Variants in ARL5C observed in about 807,000 individuals in gnomAD.
The protein encoded by ARL5C is putative ADP-ribosylation factor-like protein 5C.
In ARL5C, 21 loss-of-function variants were observed where a neutral mutation model predicts 20.8. The ratio of observed to expected loss-of-function variants is 1.01; its 90% confidence interval spans 0.72 to 1.46. ARL5C has a LOEUF of 1.46. Ranked by LOEUF, ARL5C falls within the 40% of genes most tolerant of loss-of-function variation. The pLI, the probability that ARL5C is intolerant of heterozygous loss-of-function variation, is 0.00. For synonymous variants in ARL5C, 71 were observed against 81.6 expected, an observed-to-expected ratio of 0.87 and a Z score of 0.70; for missense variants, 199 against 225.1, an observed-to-expected ratio of 0.88 and a Z score of 0.74.
intron 2 of ARL5C, chr17:39,164,267 G>T (rs2045452172): frequency 6.6e-6 from 1 of 152,228 alleles, no homozygotes. Flanking sequence ...GGTGATGCCT[G>T]TGTGACTGGT....
chr17:39,157,417 A>T (rs188891345), intron 5 of ARL5C, among the ~76,000 whole-genome samples: 2 of 152,286 alleles, frequency 1.3e-5, no homozygotes, highest in East Asian at 3.9e-4. Context: ...ACTCCGGCGC[A>T]TGGGTGGAGT....
intron 5 of ARL5C, among the ~76,000 whole-genome samples, chr17:39,158,133 A>G (rs11651791): frequency 7.2e-5 from 9 of 125,450 alleles, no homozygotes; most frequent in South Asian, 3.0e-4. Flanking sequence ...GGGAGGGAGG[A>G]AGGAAGGAAG....
chr17:39,165,954 C>T lies in ARL5C; in HGVS notation c.-194G>A. 1.6e-6 allele frequency: 1 copy of T among 621,768 alleles called. No homozygotes were observed. The highest frequency in any genetic ancestry group is 1.9e-5 in the South Asian group (1 of 51,554). 38.5% of individuals were successfully genotyped at this position (621,768 alleles called of 1,614,324 possible). A position where few individuals can be genotyped will look rare whatever the true frequency, so the allele number is the denominator to read the frequency against. ...GCCCTTCGTGGGCACTATGGACACC[C>T]CAGTGACTAAGGGCTGCCTGTCCCG... On this transcript the variant is annotated 5_prime_UTR_variant, in exon 1 of 6. Transcript: ENST00000269586.
intron 3 of ARL5C, 30 bp from the exon 4 acceptor site, chr17:39,161,381 A>G (rs1229602580): frequency 1.3e-6 from 2 of 1,545,214 alleles, no homozygotes; most frequent in Admixed American, 2.0e-5. Context: ...CGTGAGAGAC[A>G]GGCTTTCTCT....
chr17:39,159,036 T>TTG (rs2045421316), intron 5 of ARL5C, among the ~76,000 whole-genome samples: 1 of 126,756 alleles, frequency 7.9e-6, no homozygotes, highest in Non-Finnish European at 1.7e-5. Context: ...TTTTTTTTTT[T>TTG]TTTTTTTTTT....
At chr17:39,161,782 G>A (rs1256202358) in intron 3 of ARL5C, among the ~76,000 whole-genome samples, 1 of 152,114 alleles carries the variant, frequency 6.6e-6, no homozygotes, top group African/African-American at 2.4e-5. Flanking sequence ...CCAAAGTGCT[G>A]GGATTACCAC....
intron 2 of ARL5C, among the ~76,000 whole-genome samples, chr17:39,163,396 C>CTTTCTTTCTTTCTTTCTTTCTT (rs1567781477): frequency 6.2e-5 from 2 of 32,346 alleles, no homozygotes; most frequent in Non-Finnish European, 9.8e-5. Context: ...CTTTCTTTCT[C>CTTTCTTTCTTTCTTTCTTTCTT]TCTTTCTTTC....
In ARL5C at chr17:39,165,061, C is replaced by T. The variant is rs377461848; in HGVS notation, c.107+18G>A. ...GGGAGGCCCAGCTCTCTACCCTCCC[C>T]GCCCGAGAGTCACTTACAACCGGTA... On this transcript the variant is annotated intron_variant, in intron 2 of 5. Coordinates refer to ENST00000269586, the MANE Select transcript of ARL5C (RefSeq NM_001143968.1). 95 of 1,551,508 alleles carry T rather than the reference C, an allele frequency of 6.1e-5. No homozygotes were observed. Among genetic ancestry groups the T allele is most frequent in the Non-Finnish European group, 7.6e-5 (87 of 1,146,802 alleles).
In ARL5C at chr17:39,160,524, G is replaced by A. The variant is rs1329222751; in HGVS notation, c.491+67C>T. The A allele has an allele frequency of 2.0e-6, 3 of 1,516,492 alleles. No homozygotes were observed. The African/African-American group carries it at 4.1e-5, about 21-fold the overall frequency. 93.9% of individuals were successfully genotyped at this position (1,516,492 alleles called of 1,614,324 possible). Reference sequence around the variant, plus strand: ...TCTCACAGGAGAGAGGCAGGAGAAGGGTTCTGATGGTCAGTCATCCATTGG... The same window carrying A: ...TCTCACAGGAGAGAGGCAGGAGAAGAGTTCTGATGGTCAGTCATCCATTGG... On this transcript the variant is annotated intron_variant, in intron 5 of 5. Coordinates refer to ENST00000269586, the MANE Select transcript of ARL5C (RefSeq NM_001143968.1).
At chr17:39,165,490 G>C (rs2045458435) in intron 1 of ARL5C, 6 of 609,230 alleles carry the variant, frequency 9.8e-6, no homozygotes, top group African/African-American at 5.6e-5. Flanking sequence ...GTTTAGCGGG[G>C]AGAAAGGAGG....
In ARL5C at chr17:39,165,926, C is replaced by G. The variant is rs1415674567; in HGVS notation, c.-166G>C. The G allele has an allele frequency of 3.9e-6, 3 of 761,322 alleles. No homozygotes were observed. Among genetic ancestry groups the G allele is most frequent in the Non-Finnish European group, 6.4e-6 (3 of 469,902 alleles). 47.2% of individuals were successfully genotyped at this position (761,322 alleles called of 1,614,324 possible). A position where few individuals can be genotyped will look rare whatever the true frequency, so the allele number is the denominator to read the frequency against. Reference sequence around the variant, plus strand: ...CCTGACCTGGGAACCCTCTGGGACGCTGGCCCTTCGTGGGCACTATGGACA... The same window carrying G: ...CCTGACCTGGGAACCCTCTGGGACGGTGGCCCTTCGTGGGCACTATGGACA... On this transcript the variant is annotated 5_prime_UTR_variant, in exon 1 of 6. Transcript: ENST00000269586.
chr17:39,156,744 CG>C, downstream of ARL5C: 2 of 923,226 alleles, frequency 2.2e-6, no homozygotes, highest in Non-Finnish European at 1.6e-6. Context: ...TTCTCAGCAA[CG>C]GGTTGGGAGA....
At chr17:39,156,793 C>T (rs1597666774), downstream of ARL5C, 3 of 1,370,216 alleles carry the variant, frequency 2.2e-6, no homozygotes, top group East Asian at 7.5e-5. Flanking sequence ...GCCACTGCTC[C>T]CACTAGAGAA....
chr17:39,156,911 G>A lies in ARL5C; in HGVS notation c.523C>T (p.Gln175Ter). The change falls in exon 6 of 6, where the codon CAG (glutamine) becomes TAG (stop). Residue 175 changes from glutamine to a stop codon, truncating the protein, a stop_gained. Coordinates refer to ENST00000269586, the MANE Select transcript of ARL5C (RefSeq NM_001143968.1). LOFTEE classifies it high-confidence loss of function. ...LPARLQWMESQAAAN is the reference protein window; with the variant it reads ...LPARLQWMES ...CTGGAACATCAGTTAGCAGCGGCCTGAGATTCCATCCACTGAAGTCTGGCA... is the reference window on the plus strand; with the variant it reads ...CTGGAACATCAGTTAGCAGCGGCCTAAGATTCCATCCACTGAAGTCTGGCA... 5 of 1,551,880 alleles carry A rather than the reference G, an allele frequency of 3.2e-6. No homozygotes were observed. The highest frequency in any genetic ancestry group is 4.4e-6 in the Non-Finnish European group (5 of 1,146,994).
chr17:39,161,514 GTCT>G (rs2045434914), intron 3 of ARL5C, among the ~76,000 whole-genome samples, 163 bp from the exon 4 acceptor site: 1 of 144,074 alleles, frequency 6.9e-6, no homozygotes, highest in African/African-American at 2.7e-5. Context: ...CATTATAATT[GTCT>G]TTTTTTTTTT....
intron 5 of ARL5C, among the ~76,000 whole-genome samples, chr17:39,159,650 C>T (rs1051402120): frequency 2.0e-5 from 3 of 152,132 alleles, no homozygotes; most frequent in Admixed American, 1.3e-4. Flanking sequence ...CCTCCCCTAC[C>T]GGAAAGTAAG....
intron 2 of ARL5C, 91 bp from the exon 3 acceptor site, chr17:39,162,949 T>A: frequency 6.9e-7 from 1 of 1,448,174 alleles, no homozygotes; most frequent in Non-Finnish European, 9.3e-7. Context: ...AGTCTGAATC[T>A]AACTCAGAAC....
At chr17:39,160,565 G>A (rs16521) in intron 5 of ARL5C, 26 bp downstream of exon 5, 70,329 of 1,550,244 alleles carry the variant, frequency 0.045, 1,817 homozygotes, top group Middle Eastern at 0.075. Flanking sequence ...CCAGGCCCTA[G>A]AGATCCAGGT....
At chr17:39,162,613 A>G (rs2045440387) in intron 3 of ARL5C, 98 bp downstream of exon 3, 13 of 1,408,370 alleles carry the variant, frequency 9.2e-6, no homozygotes, top group Non-Finnish European at 1.1e-5. Flanking sequence ...TATAATCTCT[A>G]TTTCACAAGT....
Sources: allele counts gnomAD v4.1 joint callset (sites outside exome capture counted in the v4.1 genomes callset), GRCh38; gene constraint gnomAD v4.1.1; transcripts MANE v1.5; gene names NCBI Gene and HGNC (gene_info 2026-07-23, HGNC 2026-07-21).